MRPS21: variants seen among roughly 807,000 people sequenced by gnomAD.
MRPS21 encodes the protein mitochondrial ribosomal protein S21, also known as small ribosomal subunit protein bS21m.
MRPS21 carries 8 observed loss-of-function variants against 9.9 expected under a neutral mutation model. The observed-to-expected ratio is 0.81, with a 90% CI of 0.47 to 1.45. The LOEUF (loss-of-function observed/expected upper bound fraction) is 1.45. MRPS21 is among the 40% of genes most tolerant of loss of function. The pLI is 0.00. For missense variants in MRPS21, 101 were observed against 118.9 expected, an observed-to-expected ratio of 0.85 and a Z score of 0.70; for synonymous variants, 40 against 40.3, an observed-to-expected ratio of 0.99 and a Z score of 0.03.
intron 2 of MRPS21, among the ~76,000 whole-genome samples, chr1:150,299,265 A>G (rs781952268): frequency 2.6e-4 from 39 of 152,164 alleles, no homozygotes; most frequent in Non-Finnish European, 4.6e-4. Context: ...CTCTTCACTG[A>G]TACCAGGTTT....
chr1:150,301,389 T>A (rs1237482978), intron 2 of MRPS21: 1 of 226,094 alleles, frequency 4.4e-6, no homozygotes, highest in Admixed American at 5.5e-5. Flanking sequence ...TCCCAGCTAC[T>A]CAGGAGGCTG....
chr1:150,306,240 T>G (rs1340453466), intron 2 of MRPS21, among the ~76,000 whole-genome samples: 3 of 152,220 alleles, frequency 2.0e-5, no homozygotes, highest in African/African-American at 7.2e-5. Context: ...ACAACCACTT[T>G]CTTGTTCTCA....
At chr1:150,298,688 G>A (rs782493650) in intron 2 of MRPS21, among the ~76,000 whole-genome samples, 14 of 152,180 alleles carry the variant, frequency 9.2e-5, no homozygotes, top group Non-Finnish European at 1.3e-4. Flanking sequence ...TGTGACCTCC[G>A]CCTCCCGAGT....
chr1:150,298,661 G>A (rs782698378), intron 2 of MRPS21, among the ~76,000 whole-genome samples: 11 of 152,146 alleles, frequency 7.2e-5, no homozygotes, highest in Non-Finnish European at 1.5e-4. Context: ...GAGCGCAGTG[G>A]CGCAATCTCT....
At chr1:150,295,496 A>ATTTT (rs1189395037) in intron 2 of MRPS21, among the ~76,000 whole-genome samples, 2 of 152,232 alleles carry the variant, frequency 1.3e-5, no homozygotes, top group East Asian at 3.8e-4. Flanking sequence ...AAGACTTAAA[A>ATTTT]AAGAGCCCAA....
At chr1:150,297,020 G>A (rs938238900) in intron 2 of MRPS21, among the ~76,000 whole-genome samples, 4 of 152,090 alleles carry the variant, frequency 2.6e-5, no homozygotes, top group East Asian at 1.9e-4. Context: ...AGCCGGGCGC[G>A]GTGGCTCACG....
chr1:150,303,862 A>T (rs1654228164), intron 2 of MRPS21: 1 of 455,816 alleles, frequency 2.2e-6, no homozygotes, highest in East Asian at 6.9e-5. Flanking sequence ...GACATTTATT[A>T]GTCATCTAGA....
At chr1:150,298,162 A>G (rs1653984124) in intron 2 of MRPS21, among the ~76,000 whole-genome samples, 1 of 151,998 alleles carries the variant, frequency 6.6e-6, no homozygotes, top group African/African-American at 2.4e-5. Flanking sequence ...CTAACTCCCA[A>G]CCTCACATGA....
At position 150,308,424 on chromosome 1, in the gene MRPS21, T is replaced by G. The variant is rs1572155418; in HGVS notation, c.*196T>G. The G allele has an allele frequency of 6.0e-6, 3 of 498,968 alleles. No homozygotes were observed. The highest frequency in any genetic ancestry group is 3.4e-5 in the Admixed American group (1 of 29,458). 30.9% of individuals were successfully genotyped at this position (498,968 alleles called of 1,614,324 possible). A position where few individuals can be genotyped will look rare whatever the true frequency, so the allele number is the denominator to read the frequency against. On this transcript the variant is annotated 3_prime_UTR_variant, in exon 3 of 3. Coordinates refer to ENST00000614145, the MANE Select transcript of MRPS21 (RefSeq NM_031901.6). ...TCTTTTATTAAGTGAAAGAAGAAAC[T>G]GAGTCTGAAAGTACTCTAGGAGTAG... is the stretch of plus-strand genomic sequence containing the variant.
intron 2 of MRPS21, chr1:150,304,174 G>C (rs1405532096): frequency 1.3e-5 from 5 of 399,022 alleles, no homozygotes; most frequent in African/African-American, 1.0e-4. Context: ...ATCCAGGTGT[G>C]GTGGTACGCC....
At chr1:150,301,950 C>T (rs2101908214) in intron 2 of MRPS21, among the ~76,000 whole-genome samples, 1 of 152,278 alleles carries the variant, frequency 6.6e-6, no homozygotes, top group South Asian at 2.1e-4. Context: ...CGTGAGCAGA[C>T]TGATTTTGGA....
At chr1:150,297,398 G>A (rs945575048) in intron 2 of MRPS21, among the ~76,000 whole-genome samples, 7 of 152,014 alleles carry the variant, frequency 4.6e-5, no homozygotes, top group Non-Finnish European at 8.8e-5. Context: ...AGGGTCAGGC[G>A]TGGTGGCTCA....
intron 2 of MRPS21, among the ~76,000 whole-genome samples, chr1:150,306,368 C>T (rs587711334): frequency 7.2e-5 from 11 of 152,184 alleles, no homozygotes; most frequent in African/African-American, 1.9e-4. Context: ...GCCTCCACCC[C>T]GAGTTCAAGG....
rs1484990251 is a variant in MRPS21, at chr1:150,308,494, T to C, written c.*266T>C. 10 of 323,368 alleles carry C rather than the reference T, an allele frequency of 3.1e-5. No homozygotes were observed. The highest frequency in any genetic ancestry group is 2.7e-4 in the South Asian group (4 of 15,072). The allele number at this position is 323,368 out of a possible 1,614,324, so 20.0% of individuals were successfully genotyped here. A position where few individuals can be genotyped will look rare whatever the true frequency, so the allele number is the denominator to read the frequency against. ...TGGAGGAGGGGGCAGTGAGGAGTTA[T>C]TGTTTAATGGGTACAGAGTTTCAGT... is the stretch of plus-strand genomic sequence containing the variant. On this transcript the variant is annotated 3_prime_UTR_variant, in exon 3 of 3. Transcript: ENST00000614145.
At chr1:150,295,449 G>A (rs587619842) in intron 2 of MRPS21, among the ~76,000 whole-genome samples, 19 of 152,226 alleles carry the variant, frequency 1.2e-4, no homozygotes, top group African/African-American at 4.3e-4. Context: ...TTGCCCAAGC[G>A]TAATGACTCC....
At chr1:150,306,989 CTT>C (rs1352710158) in intron 2 of MRPS21, among the ~76,000 whole-genome samples, 1 of 151,888 alleles carries the variant, frequency 6.6e-6, no homozygotes. Context: ...GAGAACATAA[CTT>C]TGACTATAAA....
intron 2 of MRPS21, chr1:150,303,958 C>T: frequency 8.8e-6 from 4 of 455,174 alleles, no homozygotes; most frequent in South Asian, 4.7e-5. Context: ...TGATCTCTAA[C>T]CTTAGAAAAG....
intron 1 of MRPS21, 34 bp from the exon 2 acceptor site, chr1:150,294,301 C>T: frequency 6.9e-7 from 1 of 1,439,566 alleles, no homozygotes; most frequent in Non-Finnish European, 9.8e-7. Context: ...GTTTCTCTTT[C>T]TGCTTTCCTC....
At chr1:150,305,685 C>G (rs1382347027) in intron 2 of MRPS21, among the ~76,000 whole-genome samples, 4 of 152,086 alleles carry the variant, frequency 2.6e-5, no homozygotes, top group Admixed American at 2.6e-4. Flanking sequence ...ACCTCCACCT[C>G]CCAGGTTCAA....
Sources: gnomAD v4.1 joint callset for allele counts (sites outside exome capture counted in the v4.1 genomes callset) on GRCh38, gnomAD v4.1.1 for gene constraint, MANE v1.5 for transcripts, NCBI Gene and HGNC (gene_info 2026-07-23, HGNC 2026-07-21) for gene names.